The following CDKL4 variants were observed in gnomAD, a reference collection of about 807,000 sequenced individuals.
CDKL4 encodes cyclin dependent kinase like 4, also known as cyclin-dependent kinase-like 4.
Under a neutral mutation model 42.0 loss-of-function variants are expected in CDKL4, and 44 were observed. The observed-to-expected ratio is 1.05, with a 90% CI of 0.82 to 1.35. The LOEUF (loss-of-function observed/expected upper bound fraction) is 1.35. Ranked by LOEUF, CDKL4 falls within the 40% of genes most tolerant of loss-of-function variation. CDKL4 has a pLI of 0.00. For synonymous variants in CDKL4, 120 were observed against 121.6 expected (o/e 0.99, Z 0.09); for missense variants, 393 against 369.9 (o/e 1.06, Z -0.51).
At chr2:39,231,723 G>A (rs1679102215) in intron 1 of CDKL4, among the ~76,000 whole-genome samples, 1 of 152,238 alleles carries the variant, frequency 6.6e-6, no homozygotes, top group Non-Finnish European at 1.5e-5. Flanking sequence ...TGGCTGGAAA[G>A]AGAGTAGGAG....
rs1677874149 is a variant in CDKL4 at position 39,215,686 on chromosome 2, CATGACTCAGTT to C, written c.291-2225_291-2215del. On this transcript the variant is annotated intron_variant, in intron 3 of 9. Transcript: ENST00000451199. ...TTACAGAACAGTGGGAAGGCCTAGG[CATGACTCAGTT>C]ATGACACTAGCTACAAGAGTCTGAA... is the stretch of plus-strand genomic sequence containing the variant. Among the ~76,000 whole-genome samples, 8 of 152,278 alleles carry C rather than the reference CATGACTCAGTT, an allele frequency of 5.3e-5. No individual in the cohort carries two copies. In the East Asian group the frequency reaches 1.4e-3, roughly 26 times the overall value.
At chr2:39,232,982 T>C (rs1477308739) in intron 1 of CDKL4, among the ~76,000 whole-genome samples, 2 of 134,032 alleles carry the variant, frequency 1.5e-5, no homozygotes, top group African/African-American at 2.8e-5. Flanking sequence ...GAGGCGGAGG[T>C]TGCAGTGAGC....
At chr2:39,187,441 A>G (rs1675886715) in intron 7 of CDKL4, among the ~76,000 whole-genome samples, 186 bp downstream of exon 7, 1 of 148,288 alleles carries the variant, frequency 6.7e-6, no homozygotes, top group Non-Finnish European at 1.5e-5. Flanking sequence ...AGCATTGGGG[A>G]GGCTGAGGTG....
intron 1 of CDKL4, among the ~76,000 whole-genome samples, chr2:39,243,660 C>T (rs1679775058): frequency 6.6e-6 from 1 of 152,198 alleles, no homozygotes; most frequent in Non-Finnish European, 1.5e-5. Flanking sequence ...ACCATTTCCG[C>T]CCCGAGGGAC....
upstream of CDKL4, among the ~76,000 whole-genome samples, chr2:39,245,491 ACT>A (rs1679874829): frequency 1.3e-5 from 2 of 152,176 alleles, no homozygotes; most frequent in African/African-American, 4.8e-5. Context: ...GAAGTCAGTG[ACT>A]GCAAGAACCC....
intron 1 of CDKL4, among the ~76,000 whole-genome samples, chr2:39,232,996 G>A (rs1411932733): frequency 1.5e-5 from 2 of 129,566 alleles, no homozygotes. Context: ...AGTGAGCCGA[G>A]ATCGTACCAC....
intron 4 of CDKL4, among the ~76,000 whole-genome samples, chr2:39,208,080 C>T (rs538328708): frequency 5.9e-5 from 9 of 151,482 alleles, no homozygotes; most frequent in African/African-American, 1.5e-4. Flanking sequence ...CCAGCCTGGG[C>T]GACAGAGGAA....
At chr2:39,226,572 G>A (rs1254709113) in intron 2 of CDKL4, among the ~76,000 whole-genome samples, 6 of 150,166 alleles carry the variant, frequency 4.0e-5, no homozygotes, top group South Asian at 2.1e-4. Flanking sequence ...CCAAACTGAC[G>A]CATTTCACAA....
chr2:39,191,658 C>T (rs193022637), intron 5 of CDKL4, among the ~76,000 whole-genome samples: 319 of 152,334 alleles, frequency 2.1e-3, no homozygotes, highest in African/African-American at 7.3e-3. Flanking sequence ...CTCAATTTGA[C>T]TCCTTGTACT....
chr2:39,246,784 CCTAGG>C (rs762682973), upstream of CDKL4, among the ~76,000 whole-genome samples: 15 of 152,116 alleles, frequency 9.9e-5, no homozygotes, highest in Admixed American at 9.8e-4. Flanking sequence ...CACTCTGTTG[CCTAGG>C]CTAAAGTGCA....
intron 8 of CDKL4, among the ~76,000 whole-genome samples, chr2:39,184,137 A>G (rs1044835658): frequency 2.0e-5 from 3 of 152,236 alleles, no homozygotes; most frequent in Non-Finnish European, 2.9e-5. Flanking sequence ...ACTACTGTAG[A>G]CAGAACTTAA....
rs766137417 is a variant in CDKL4 at position 39,179,146 on chromosome 2, G to T, written c.927+41C>A. 4 of 1,580,276 alleles carry T rather than the reference G, an allele frequency of 2.5e-6. No homozygotes were observed. In the South Asian group the frequency reaches 4.7e-5, roughly 19 times the overall value. On this transcript the variant is annotated intron_variant, in intron 9 of 9. Coordinates refer to ENST00000451199, the Ensembl canonical transcript of CDKL4. The stretch of plus-strand genomic sequence containing the variant: ...AAGGCAGACAAACAAAAACAAAAAA[G>T]GAATTATTTTTATAGCACTTTAACT...
At chr2:39,227,799 C>G (rs1573019891) in intron 2 of CDKL4, among the ~76,000 whole-genome samples, 1 of 152,202 alleles carries the variant, frequency 6.6e-6, no homozygotes, top group Non-Finnish European at 1.5e-5. Flanking sequence ...CTGGTCCAAT[C>G]TCCTGTCTTT....
chr2:39,215,285 T>C (rs1460232342), intron 3 of CDKL4, among the ~76,000 whole-genome samples: 1 of 152,246 alleles, frequency 6.6e-6, no homozygotes, highest in African/African-American at 2.4e-5. Context: ...CTACATTTCT[T>C]CTTTTGTGTA....
Position 39,209,224 on chromosome 2 carries a change from A to C in CDKL4, c.363+4176T>G, listed in dbSNP as rs113396649. Among the ~76,000 whole-genome samples the C allele has an allele frequency of 3.5e-3, 525 of 150,980 alleles. 8 individuals are homozygous for C. Among genetic ancestry groups the C allele is most frequent in the African/African-American group, 0.012 (506 of 41,156 alleles). ...TTCCTTGGGAGGCTAAGGTGGAAGG[A>C]TTGTTTGAGCATGGGAGGCTGAGGT... is the stretch of plus-strand genomic sequence containing the variant. On this transcript the variant is annotated intron_variant, in intron 4 of 9. Transcript: ENST00000451199.
rs184641547 is a variant in CDKL4, at chr2:39,185,472, A to G, written c.736-825T>C. Among the ~76,000 whole-genome samples, 28 of 133,376 alleles carry G rather than the reference A, an allele frequency of 2.1e-4. 1 individual carries two copies. Among genetic ancestry groups the G allele is most frequent in the Non-Finnish European group, 3.5e-4 (22 of 63,574 alleles). 87.5% of individuals were successfully genotyped at this position (133,376 alleles called of 152,430 possible). The stretch of plus-strand genomic sequence containing the variant: ...TATATACATATGTGTATATATATAT[A>G]TATATATTTGAGACAGAGTCTCTGT... On this transcript the variant is annotated intron_variant, in intron 7 of 9. Transcript: ENST00000451199.
intron 2 of CDKL4, among the ~76,000 whole-genome samples, chr2:39,226,278 A>C (rs1277700514): frequency 1.3e-5 from 2 of 151,508 alleles, no homozygotes; most frequent in Non-Finnish European, 2.9e-5. Flanking sequence ...CTCAGCTTAC[A>C]TATTGCCATG....
At chr2:39,195,813 A>G (rs766629793) in intron 5 of CDKL4, among the ~76,000 whole-genome samples, 2 of 151,632 alleles carry the variant, frequency 1.3e-5, no homozygotes, top group Admixed American at 1.3e-4. Context: ...CCTGCCTTAT[A>G]TATCTTCTTT....
chr2:39,178,498 A>C, intron 9 of CDKL4: 1 of 1,478,064 alleles, frequency 6.8e-7, no homozygotes, highest in Non-Finnish European at 9.2e-7. Flanking sequence ...TGCCGGGTTT[A>C]CAAGGTGAGA....
Sources: gnomAD v4.1 joint callset for allele counts (sites outside exome capture counted in the v4.1 genomes callset) on GRCh38, gnomAD v4.1.1 for gene constraint, MANE v1.5 for transcripts, NCBI Gene and HGNC (gene_info 2026-07-23, HGNC 2026-07-21) for gene names.